RPS8: variants seen among roughly 807,000 people sequenced by gnomAD.
RPS8 encodes small ribosomal subunit protein eS8.
For missense variants in RPS8, 141 were observed against 269.7 expected, an observed-to-expected ratio of 0.52 and a Z score of 3.34; for synonymous variants, 100 against 100.7, an observed-to-expected ratio of 0.99 and a Z score of 0.04.
At chr1:44,777,846 C>G (rs763237517) in intron 4 of RPS8, 57 bp downstream of exon 4, 5 of 1,592,368 alleles carry the variant, frequency 3.1e-6, no homozygotes, top group Non-Finnish European at 3.4e-6. Flanking sequence ...CCAGCCTTCT[C>G]GTGATGAAAA....
intron 1 of RPS8, 49 bp from the exon 2 acceptor site, chr1:44,775,985 A>C (rs774933139): frequency 6.4e-7 from 1 of 1,564,786 alleles, no homozygotes; most frequent in South Asian, 1.1e-5. Context: ...GCGAGTCGCT[A>C]GCACCGAGTC....
In RPS8 at chr1:44,776,778, A is replaced by C. The variant is rs1650869732; in HGVS notation, c.211+4A>C. On this transcript the variant is annotated splice_donor_region_variant and intron_variant, in intron 3 of 5. Transcript: ENST00000396651. Reference sequence around the variant, plus strand: ...AATTTCTCCTGGGGCTCAGAGTGTGAGTGAGGCCCTTTGGGAGTGGGTGGG... The same window carrying C: ...AATTTCTCCTGGGGCTCAGAGTGTGCGTGAGGCCCTTTGGGAGTGGGTGGG... The C allele has an allele frequency of 6.3e-7, 1 of 1,592,624 alleles. No individual in the cohort carries two copies. Among genetic ancestry groups the C allele is most frequent in the African/African-American group, 1.4e-5 (1 of 73,658 alleles).
chr1:44,777,985 G>C lies in RPS8; in HGVS notation c.388-15G>C. Reference sequence around the variant, plus strand: ...CTTCCTTCCCTGAGCTCATATATTTGTATCCCCTTTTCAGACTCCTGAGGA... The same window carrying C: ...CTTCCTTCCCTGAGCTCATATATTTCTATCCCCTTTTCAGACTCCTGAGGA... On this transcript the variant is annotated splice_polypyrimidine_tract_variant and intron_variant, in intron 4 of 5. Transcript: ENST00000396651. The C allele has an allele frequency of 6.2e-7, 1 of 1,613,468 alleles. No individual in the cohort carries two copies. The highest frequency in any genetic ancestry group is 8.5e-7 in the Non-Finnish European group (1 of 1,179,884).
intron 3 of RPS8, chr1:44,777,113 C>T (rs1220488790): frequency 4.3e-6 from 1 of 234,006 alleles, no homozygotes; most frequent in Non-Finnish European, 8.4e-6. Flanking sequence ...CTCTGTTGCT[C>T]AGGCTGGAGT....
intron 1 of RPS8, chr1:44,775,830 G>A (rs1043051925): frequency 7.6e-6 from 6 of 784,600 alleles, no homozygotes; most frequent in South Asian, 2.9e-5. Context: ...CGCCAACATG[G>A]CTGCCGCGAG....
chr1:44,776,280 C>G (rs1292784604), intron 2 of RPS8, 140 bp downstream of exon 2: 1 of 668,502 alleles, frequency 1.5e-6, no homozygotes, highest in African/African-American at 1.8e-5. Flanking sequence ...GTCCTGTCCC[C>G]CTTTAGCTGT....
intron 3 of RPS8, chr1:44,777,279 C>T: frequency 3.9e-6 from 1 of 255,546 alleles, no homozygotes; most frequent in Admixed American, 5.0e-5. Context: ...CCATGTTGGC[C>T]AGGCTGGTCT....
Position 44,778,074 on chromosome 1 carries a change from G to T in RPS8, c.462G>T (p.Lys154Asn), listed in dbSNP as rs570744056. The T allele has an allele frequency of 6.2e-7, 1 of 1,609,330 alleles. No homozygotes were observed. The highest frequency in any genetic ancestry group is 1.3e-5 in the African/African-American group (1 of 74,842). Reference sequence around the variant, plus strand: ...AGAAGAAATATGATGAAAGGAAAAAGAATGCCAAAATCAGCAGTCTCCTGG... The same window carrying T: ...AGAAGAAATATGATGAAAGGAAAAATAATGCCAAAATCAGCAGTCTCCTGG... The part of the protein sequence containing the change: ...KIQKKYDERK[K>N]NAKISSLLEE... The change falls in exon 5 of 6, where the codon AAG becomes AAT. Residue 154 changes from lysine to asparagine, a missense_variant. Physicochemically the swap from Lys to Asn is moderately conservative, Grantham distance 94. Coordinates refer to ENST00000396651, the MANE Select transcript of RPS8 (RefSeq NM_001012.2).
At chr1:44,777,116 G>C (rs1284909423) in intron 3 of RPS8, 6 of 231,532 alleles carry the variant, frequency 2.6e-5, no homozygotes, top group Non-Finnish European at 4.3e-5. Context: ...TGTTGCTCAG[G>C]CTGGAGTGCC....
intron 1 of RPS8, 129 bp from the exon 2 acceptor site, chr1:44,775,905 G>A: frequency 1.1e-6 from 1 of 900,388 alleles, no homozygotes; most frequent in East Asian, 2.4e-5. Context: ...ACTCCCGAGT[G>A]CGCGGTGGGG....
At chr1:44,775,711 C>A in intron 1 of RPS8, 111 bp downstream of exon 1, 1 of 1,413,160 alleles carries the variant, frequency 7.1e-7, no homozygotes, top group Non-Finnish European at 1.0e-6. Flanking sequence ...CGGCCAGGGA[C>A]AGCCACGAGG....
chr1:44,776,341 G>A, intron 2 of RPS8: 1 of 675,040 alleles, frequency 1.5e-6, no homozygotes, highest in South Asian at 1.7e-5. Flanking sequence ...CCCAAACCTG[G>A]AGCTTAGGAT....
Position 44,775,943 on chromosome 1 carries a change from G to T in RPS8, c.5-91G>T. ...GCCAACCTTGGAGAGCTGAGCGTGC[G>T]ACCGGCCCGGCGCGGGGGTCTCCGG... is the stretch of plus-strand genomic sequence containing the variant. On this transcript the variant is annotated intron_variant, in intron 1 of 5. Coordinates refer to ENST00000396651, the MANE Select transcript of RPS8 (RefSeq NM_001012.2). 3 of 1,229,174 alleles carry T rather than the reference G, an allele frequency of 2.4e-6. No individual in the cohort carries two copies. In the South Asian group the frequency reaches 3.6e-5, roughly 15 times the overall value. The allele number at this position is 1,229,174 out of a possible 1,614,324, so 76.1% of individuals were successfully genotyped here. A position where few individuals can be genotyped will look rare whatever the true frequency, so the allele number is the denominator to read the frequency against.
chr1:44,776,618 C>T (rs767523711), intron 2 of RPS8, 57 bp from the exon 3 acceptor site: 10 of 1,462,106 alleles, frequency 6.8e-6, no homozygotes, highest in Non-Finnish European at 9.6e-6. Flanking sequence ...AGGTTCCTCT[C>T]CCTCACTTGC....
At chr1:44,777,132 C>T (rs987296018) in intron 3 of RPS8, 10 of 220,142 alleles carry the variant, frequency 4.5e-5, no homozygotes, top group Admixed American at 1.6e-4. Context: ...GTGCCAGTGG[C>T]GTGATCTTGG....
At position 44,776,125 on chromosome 1, in the gene RPS8, A is replaced by G; in HGVS notation, c.96A>G (p.Pro32=). The change falls in exon 2 of 6, where the codon CCA becomes CCG. Residue 32 remains proline, a synonymous_variant. Transcript: ENST00000396651. ...AGCGGAAGTATGAGTTGGGGCGCCCAGCTGCCAACACCAAGGTGGGTGCGA... is the reference window on the plus strand; with the variant it reads ...AGCGGAAGTATGAGTTGGGGCGCCCGGCTGCCAACACCAAGGTGGGTGCGA... ...HKKRKYELGR[P]AANTKIGPRR... 1 of 1,603,856 alleles carries G rather than the reference A, an allele frequency of 6.2e-7. No homozygotes were observed. Among genetic ancestry groups the G allele is most frequent in the Non-Finnish European group, 8.5e-7 (1 of 1,177,034 alleles).
At chr1:44,776,825 A>T in intron 3 of RPS8, 51 bp downstream of exon 3, 1 of 1,392,710 alleles carries the variant, frequency 7.2e-7, no homozygotes, top group South Asian at 1.3e-5. Flanking sequence ...AAACGGTCTT[A>T]AGATTCACCA....
At position 44,778,583 on chromosome 1, in the gene RPS8, C is replaced by T. The variant is rs201044480; in HGVS notation, c.525C>T (p.Ile175=). ...TCACCTACTCTCTTGCAGCGTGCAT[C>T]GCTTCAAGGCCGGGACAGTGTGGCC... The part of the protein sequence containing the change: ...QFQQGKLLAC[I]ASRPGQCGRA... The change falls in exon 6 of 6, where the codon ATC becomes ATT. Residue 175 remains isoleucine, a synonymous_variant. Coordinates refer to ENST00000396651, the MANE Select transcript of RPS8 (RefSeq NM_001012.2). The T allele has an allele frequency of 1.1e-4, 175 of 1,613,296 alleles. No individual in the cohort carries two copies. The highest frequency in any genetic ancestry group is 1.4e-4 in the Non-Finnish European group (161 of 1,179,446).
intron 3 of RPS8, 98 bp downstream of exon 3, chr1:44,776,872 A>G: frequency 1.1e-6 from 1 of 872,256 alleles, no homozygotes; most frequent in Admixed American, 3.0e-5. Flanking sequence ...CTATAAGCCC[A>G]GCACGTTGGG....
Sources: gnomAD v4.1 joint callset for allele counts on GRCh38, gnomAD v4.1.1 for gene constraint, MANE v1.5 for transcripts, NCBI Gene and HGNC (gene_info 2026-07-23, HGNC 2026-07-21) for gene names.